Variants in CFAP299 observed in about 807,000 individuals in gnomAD.
CFAP299 encodes cilia- and flagella-associated protein 299.
CFAP299 carries 21 observed loss-of-function variants against 27.0 expected under a neutral mutation model. The ratio of observed to expected loss-of-function variants is 0.78; its 90% CI spans 0.55 to 1.12. CFAP299 has a LOEUF of 1.12. Among genes scored for constraint, CFAP299 ranks in the 50% most tolerant of loss-of-function variants. CFAP299 has a pLI of 0.00. For missense variants in CFAP299, 310 were observed against 276.6 expected (o/e 1.12, Z -0.86); for synonymous variants, 104 against 98.1 (o/e 1.06, Z -0.36).
chr4:80,863,144 C>G (rs1331248229), intron 3 of CFAP299, among the ~76,000 whole-genome samples: 1 of 151,588 alleles, frequency 6.6e-6, no homozygotes, highest in Non-Finnish European at 1.5e-5. Context: ...TTTGACAGCT[C>G]TCATTCCCTG....
At chr4:80,347,698 C>T (rs1722805195) in intron 1 of CFAP299, among the ~76,000 whole-genome samples, 1 of 152,140 alleles carries the variant, frequency 6.6e-6, no homozygotes, top group African/African-American at 2.4e-5. Context: ...TAAAAATGGC[C>T]ATGCTGCCCA....
chr4:80,525,538 T>C (rs1733134098), intron 2 of CFAP299, among the ~76,000 whole-genome samples: 1 of 152,196 alleles, frequency 6.6e-6, no homozygotes, highest in African/African-American at 2.4e-5. Flanking sequence ...AAAAATATGT[T>C]CATTTCCCAC....
At chr4:80,929,133 G>T (rs1344114312) in intron 4 of CFAP299, among the ~76,000 whole-genome samples, 1 of 152,124 alleles carries the variant, frequency 6.6e-6, no homozygotes, top group African/African-American at 2.4e-5. Context: ...GGTAGTATCA[G>T]TTCCCATCCA....
chr4:80,744,016 A>G (rs891088533), intron 3 of CFAP299, among the ~76,000 whole-genome samples: 3 of 152,160 alleles, frequency 2.0e-5, no homozygotes, highest in African/African-American at 7.2e-5. Flanking sequence ...CACAAAGATA[A>G]TATCTGTGTA....
At chr4:80,892,731 C>T (rs1037229373) in intron 4 of CFAP299, among the ~76,000 whole-genome samples, 1 of 151,980 alleles carries the variant, frequency 6.6e-6, no homozygotes, top group Non-Finnish European at 1.5e-5. Flanking sequence ...GAATATATCT[C>T]AACATAATAA....
chr4:80,901,178 G>A (rs1734872946), intron 4 of CFAP299, among the ~76,000 whole-genome samples: 1 of 151,974 alleles, frequency 6.6e-6, no homozygotes, highest in South Asian at 2.1e-4. Context: ...GTTATGGAGG[G>A]CAAAAAAAAT....
chr4:80,554,689 C>A (rs1407263853), intron 2 of CFAP299, among the ~76,000 whole-genome samples: 2 of 151,714 alleles, frequency 1.3e-5, no homozygotes, highest in African/African-American at 4.8e-5. Context: ...TAGTGTTTTG[C>A]CATTCTCATT....
At chr4:80,362,634 C>A (rs898495384) in intron 1 of CFAP299, 120 bp from the exon 2 acceptor site, 12 of 1,053,020 alleles carry the variant, frequency 1.1e-5, no homozygotes, top group Non-Finnish European at 1.4e-5. Context: ...TTTTTAAATA[C>A]ATTTAATTTT....
chr4:80,847,030 A>G (rs911553197), intron 3 of CFAP299, among the ~76,000 whole-genome samples: 7 of 152,190 alleles, frequency 4.6e-5, no homozygotes, highest in African/African-American at 1.2e-4. Context: ...CAGAAGAATC[A>G]TTTTGTTCTT....
chr4:80,811,055 A>T (rs1203883083), intron 3 of CFAP299, among the ~76,000 whole-genome samples: 1 of 152,156 alleles, frequency 6.6e-6, no homozygotes, highest in Non-Finnish European at 1.5e-5. Context: ...ACCCTTTACA[A>T]TAACTTCAGT....
chr4:80,765,302 C>T (rs941152751), intron 3 of CFAP299, among the ~76,000 whole-genome samples: 1 of 152,116 alleles, frequency 6.6e-6, no homozygotes, highest in Non-Finnish European at 1.5e-5. Context: ...CTGAAACAGT[C>T]TCAGGAAGTT....
In CFAP299 at chr4:80,870,055, T is replaced by C. The variant is rs34840815; in HGVS notation, c.396T>C (p.Tyr132=). ...AAGAGATATCAGGATACATCGACTA[T>C]GCCCACAGGCTAAAGACGGAAGATT... The part of the protein sequence containing the change: ...HGQEISGYID[Y]AHRLKTEDFE... The change falls in exon 4 of 6, where the codon TAT becomes TAC. Residue 132 remains tyrosine (Y), a synonymous_variant. Transcript: ENST00000358105. 3,419 of 1,613,872 alleles carry C rather than the reference T, an allele frequency of 2.1e-3. 47 individuals are homozygous for C. In the African/African-American group the frequency reaches 0.038, roughly 18 times the overall value.
At position 80,817,218 on chromosome 4, in the gene CFAP299, T is replaced by A. The variant is rs1038014261; in HGVS notation, c.334-52775T>A. Among the ~76,000 whole-genome samples, 4 of 152,074 alleles carry A rather than the reference T, an allele frequency of 2.6e-5. No individual in the cohort carries two copies. In the South Asian group the frequency reaches 8.3e-4, roughly 32 times the overall value. ...CCCAACTCCACAGGCCCCTAGAGGA[T>A]TAGTTGAGCCATTTATTGCAACTGC... On this transcript the variant is annotated intron_variant, in intron 3 of 5. Transcript: ENST00000358105.
chr4:80,799,885 AT>A (rs1728278897), intron 3 of CFAP299, among the ~76,000 whole-genome samples: 1 of 40,992 alleles, frequency 2.4e-5, no homozygotes, highest in African/African-American at 1.1e-4. Flanking sequence ...ATATTATATA[AT>A]ATATAAATTA....
intron 3 of CFAP299, among the ~76,000 whole-genome samples, chr4:80,742,480 G>T (rs966808380): frequency 6.6e-6 from 1 of 152,116 alleles, no homozygotes; most frequent in Admixed American, 6.6e-5. Flanking sequence ...CCTCACAGAG[G>T]TTATATTCCA....
intron 3 of CFAP299, among the ~76,000 whole-genome samples, chr4:80,739,843 C>T (rs1396540035): frequency 2.0e-5 from 3 of 152,056 alleles, no homozygotes; most frequent in Admixed American, 2.0e-4. Flanking sequence ...TGTAGGTGTG[C>T]TTCTTTGTTT....
chr4:80,462,469 T>TCCTC (rs1450107687), intron 2 of CFAP299, among the ~76,000 whole-genome samples: 6 of 152,166 alleles, frequency 3.9e-5, no homozygotes, highest in Admixed American at 1.3e-4. Flanking sequence ...AAACCAGCAC[T>TCCTC]CCTCAGGTCT....
chr4:80,894,856 T>C (rs781637260), intron 4 of CFAP299, among the ~76,000 whole-genome samples: 13 of 152,004 alleles, frequency 8.6e-5, no homozygotes, highest in Admixed American at 2.0e-4. Context: ...AAAACACTAT[T>C]ATTTTTGTGG....
chr4:80,547,922 T>G (rs556648480), intron 2 of CFAP299, among the ~76,000 whole-genome samples: 26 of 152,332 alleles, frequency 1.7e-4, no homozygotes, highest in Non-Finnish European at 3.5e-4. Flanking sequence ...TATACTCTGC[T>G]GGTAAGAATG....
Sources: allele counts gnomAD v4.1 joint callset (sites outside exome capture counted in the v4.1 genomes callset), GRCh38; gene constraint gnomAD v4.1.1; transcripts MANE v1.5; gene names NCBI Gene and HGNC (gene_info 2026-07-23, HGNC 2026-07-21).